Variants in ZNF107 observed in about 807,000 individuals in gnomAD.
ZNF107 encodes zinc finger protein 107.
ZNF107 carries 19 observed loss-of-function variants against 12.3 expected under a neutral mutation model. The ratio of observed to expected loss-of-function variants is 1.55; its 90% CI spans 1.08 to 2.27. The LOEUF (loss-of-function observed/expected upper bound fraction) is 2.27. Among genes scored for constraint, ZNF107 ranks in the 30% most tolerant of loss-of-function variants. The pLI is 0.00. For missense variants in ZNF107, 958 were observed against 979.9 expected (o/e 0.98, Z 0.30); for synonymous variants, 317 against 330.5 (o/e 0.96, Z 0.44).
chr7:64,681,855 C>T (rs1789691610), intron 1 of ZNF107, among the ~76,000 whole-genome samples: 2 of 152,252 alleles, frequency 1.3e-5, no homozygotes, highest in East Asian at 3.9e-4. Context: ...CCCATATACT[C>T]TCTTGTCCAG....
intron 3 of ZNF107, among the ~76,000 whole-genome samples, chr7:64,697,407 T>C (rs1790328791): frequency 6.6e-6 from 1 of 152,208 alleles, no homozygotes; most frequent in African/African-American, 2.4e-5. Flanking sequence ...ACTTCCACAA[T>C]GGTTGAACTA....
intron 1 of ZNF107, among the ~76,000 whole-genome samples, chr7:64,680,875 A>G (rs974169582): frequency 6.6e-6 from 1 of 151,998 alleles, no homozygotes; most frequent in Admixed American, 6.5e-5. Flanking sequence ...CGTAAGACGA[A>G]CCCCAGCCAC....
chr7:64,706,781 CT>C lies in ZNF107; in HGVS notation c.685del (p.Tyr229ThrfsTer21). The C allele has an allele frequency of 6.2e-7, 1 of 1,613,374 alleles. No individual in the cohort carries two copies. The highest frequency in any genetic ancestry group is 1.3e-5 in the African/African-American group (1 of 75,032). Reference protein sequence around the residue: ...HKRIHTGEKPYKCEECGKAFN... With the variant: ...HKRIHTGEKPXKCEECGKAFN... ...AGAGAATTCATACTGGAGAAAAGCC[CT>C]ACAAATGTGAAGAATGTGGCAAAGC... On this transcript the variant is annotated frameshift_variant, in exon 4 of 4. Transcript: ENST00000620827. LOFTEE classifies it low-confidence loss of function (END_TRUNC).
Position 64,710,904 on chromosome 7 carries a change from A to G in ZNF107, c.*2248A>G, listed in dbSNP as rs1027381984. 2 of 152,182 alleles carry G rather than the reference A, an allele frequency of 1.3e-5. No individual in the cohort carries two copies. The highest frequency in any genetic ancestry group is 2.4e-5 in the African/African-American group (1 of 41,464). 9.4% of individuals were successfully genotyped at this position (152,182 alleles called of 1,614,324 possible). ...GATCCATGAAGTAGGTTTTCAGAGC[A>G]ATATTCTTCTGCATTATAGTAAGAG... is the stretch of plus-strand genomic sequence containing the variant. On this transcript the variant is annotated 3_prime_UTR_variant, in exon 4 of 4. Coordinates refer to ENST00000620827, the MANE Select transcript of ZNF107 (RefSeq NM_001282359.2).
intron 3 of ZNF107, among the ~76,000 whole-genome samples, chr7:64,706,008 G>A (rs1392806394): frequency 6.6e-6 from 1 of 150,884 alleles, no homozygotes; most frequent in Non-Finnish European, 1.5e-5. Context: ...TACTTCTAAA[G>A]GCACTATGTT....
chr7:64,679,661 A>G (rs572335908), intron 1 of ZNF107, among the ~76,000 whole-genome samples: 7 of 152,202 alleles, frequency 4.6e-5, no homozygotes, highest in African/African-American at 1.7e-4. Context: ...CTGTGTCCTT[A>G]GGAATCTAAA....
chr7:64,666,855 A>G (rs1403364434), intron 1 of ZNF107, among the ~76,000 whole-genome samples: 2 of 152,202 alleles, frequency 1.3e-5, no homozygotes, highest in African/African-American at 4.8e-5. Flanking sequence ...GTGCATGATA[A>G]AGGAAAGCAA....
At chr7:64,704,321 C>T (rs1269135881) in intron 3 of ZNF107, among the ~76,000 whole-genome samples, 3 of 152,176 alleles carry the variant, frequency 2.0e-5, no homozygotes, top group Non-Finnish European at 4.4e-5. Flanking sequence ...TCTTGGCCCA[C>T]TGCAACCTCC....
rs766858682 is a variant in ZNF107 at position 64,708,151 on chromosome 7, C to T, written c.2054C>T (p.Ala685Val). ...CACAAATGTGAAGAATGTGGAAAAG[C>T]TTATAACCGATTCTCAAACCTAACT... ...KPHKCEECGK[A>V]YNRFSNLTIH... Residue 685 changes from alanine to valine, a missense_variant, in exon 4 of 4, where the codon GCT (alanine) becomes GTT (valine). Physicochemically the swap from Ala to Val is moderately conservative, Grantham distance 64. Coordinates refer to ENST00000620827, the MANE Select transcript of ZNF107 (RefSeq NM_001282359.2). The T allele has an allele frequency of 2.2e-5, 35 of 1,611,638 alleles. No individual in the cohort carries two copies. The highest frequency in any genetic ancestry group is 2.6e-5 in the Non-Finnish European group (31 of 1,179,314).
Position 64,709,468 on chromosome 7 carries a change from T to C in ZNF107, c.*812T>C. The stretch of plus-strand genomic sequence containing the variant: ...CTGAAAACTTTACAAACCTGAATGA[T>C]GTGACAATAATTTTGACAACACCTC... On this transcript the variant is annotated 3_prime_UTR_variant, in exon 4 of 4. Coordinates refer to ENST00000620827, the MANE Select transcript of ZNF107 (RefSeq NM_001282359.2). 1 of 345,314 alleles carries C rather than the reference T, an allele frequency of 2.9e-6. No individual in the cohort carries two copies. Among genetic ancestry groups the C allele is most frequent in the South Asian group, 2.3e-5 (1 of 44,270 alleles). The allele number at this position is 345,314 out of a possible 1,614,324, so 21.4% of individuals were successfully genotyped here.
intron 1 of ZNF107, among the ~76,000 whole-genome samples, chr7:64,673,351 T>A (rs1294917567): frequency 6.6e-6 from 1 of 152,258 alleles, no homozygotes; most frequent in Non-Finnish European, 1.5e-5. Flanking sequence ...AGAGCATTTT[T>A]AAAATTTACT....
At chr7:64,681,270 C>T (rs956140559) in intron 1 of ZNF107, among the ~76,000 whole-genome samples, 4 of 152,112 alleles carry the variant, frequency 2.6e-5, no homozygotes, top group Non-Finnish European at 4.4e-5. Flanking sequence ...TCACTCCACC[C>T]TGCCCTCCTT....
At chr7:64,677,961 A>ATG (rs1789491606) in intron 1 of ZNF107, among the ~76,000 whole-genome samples, 1 of 151,770 alleles carries the variant, frequency 6.6e-6, no homozygotes, top group South Asian at 2.1e-4. Flanking sequence ...TTATTCTCCT[A>ATG]TGTGAAAAAT....
Position 64,707,819 on chromosome 7 carries a change from T to C in ZNF107, c.1722T>C (p.Phe574=), listed in dbSNP as rs1250530914. 1.9e-6 allele frequency: 3 copies of C among 1,612,006 alleles called. No individual in the cohort carries two copies. Among genetic ancestry groups the C allele is most frequent in the Non-Finnish European group, 2.5e-6 (3 of 1,179,378 alleles). ...AATGTGAAGAATGTGGAAAAGCCTTTAATCAATCCTATCAACTTACTAGAC... is the reference window on the plus strand; with the variant it reads ...AATGTGAAGAATGTGGAAAAGCCTTCAATCAATCCTATCAACTTACTAGAC... ...PYKCEECGKA[F]NQSYQLTRHK... The change falls in exon 4 of 4, where the codon TTT becomes TTC. Residue 574 remains phenylalanine (F), a synonymous_variant. Coordinates refer to ENST00000620827, the MANE Select transcript of ZNF107 (RefSeq NM_001282359.2).
At chr7:64,680,904 T>C (rs557189362) in intron 1 of ZNF107, among the ~76,000 whole-genome samples, 13 of 152,230 alleles carry the variant, frequency 8.5e-5, no homozygotes, top group Admixed American at 5.2e-4. Flanking sequence ...CCTGTAGGGA[T>C]TTCAAGGCAT....
chr7:64,709,031 T>C lies in ZNF107; in HGVS notation c.*375T>C. ...TTTCTACACATAAGATAATTTATAC[T>C]GGAGAGGAACTCTATAGTTGTGAAG... On this transcript the variant is annotated 3_prime_UTR_variant, in exon 4 of 4. Coordinates refer to ENST00000620827, the MANE Select transcript of ZNF107 (RefSeq NM_001282359.2). 1 of 447,436 alleles carries C rather than the reference T, an allele frequency of 2.2e-6. No individual in the cohort carries two copies. Among genetic ancestry groups the C allele is most frequent in the East Asian group, 5.6e-5 (1 of 17,708 alleles). 27.7% of individuals were successfully genotyped at this position (447,436 alleles called of 1,614,324 possible).
intron 2 of ZNF107, 29 bp downstream of exon 2, chr7:64,691,403 A>G (rs1041175206): frequency 1.1e-5 from 15 of 1,398,106 alleles, no homozygotes; most frequent in Non-Finnish European, 1.2e-5. Context: ...CACAATTCCC[A>G]AAATACCCTT....
chr7:64,685,651 G>A (rs899684323), intron 1 of ZNF107, among the ~76,000 whole-genome samples: 12 of 152,102 alleles, frequency 7.9e-5, no homozygotes, highest in African/African-American at 2.2e-4. Context: ...CACTGGGGCC[G>A]CCTTGGCAAG....
chr7:64,673,816 A>T (rs1167027620), intron 1 of ZNF107, among the ~76,000 whole-genome samples: 1 of 152,238 alleles, frequency 6.6e-6, no homozygotes, highest in East Asian at 1.9e-4. Flanking sequence ...AGCATCATTT[A>T]TTAAATACGG....
Sources: allele counts gnomAD v4.1 joint callset (sites outside exome capture counted in the v4.1 genomes callset), GRCh38; gene constraint gnomAD v4.1.1; transcripts MANE v1.5; gene names NCBI Gene and HGNC (gene_info 2026-07-23, HGNC 2026-07-21).